STAC: variants seen among roughly 807,000 people sequenced by gnomAD.
The protein encoded by STAC is SH3 and cysteine rich domain, also known as SH3 and cysteine-rich domain-containing protein.
In STAC, 43 loss-of-function variants were observed where a neutral mutation model predicts 48.8. The ratio of observed to expected loss-of-function variants is 0.88; its 90% CI spans 0.69 to 1.14. The LOEUF is 1.14. STAC is among the 50% of genes most tolerant of loss of function. The probability of loss-of-function intolerance (pLI) is 0.00; values close to 1 mark genes in which losing one functional copy is unlikely to be tolerated. For missense variants in STAC, 497 were observed against 504.0 expected, an observed-to-expected ratio of 0.99 and a Z score of 0.13; for synonymous variants, 193 against 179.5, an observed-to-expected ratio of 1.07 and a Z score of -0.60.
chr3:36,443,158 C>T lies in STAC; in HGVS notation c.112-206C>T, dbSNP rs751918751. The stretch of plus-strand genomic sequence containing the variant: ...AGGCAAAATAGGACCTCTTTCTGCT[C>T]ATCTGGCTTAGTGGCAGGGGCGGGG... On this transcript the variant is annotated intron_variant, in intron 1 of 10. Coordinates refer to ENST00000273183, the MANE Select transcript of STAC (RefSeq NM_003149.3). The surrounding 1 kb of genome is among the most constrained non-coding windows in gnomAD (Gnocchi z 4.2). Among the ~76,000 whole-genome samples the T allele has an allele frequency of 6.6e-6, 1 of 152,136 alleles. No individual in the cohort carries two copies. Among genetic ancestry groups the T allele is most frequent in the South Asian group, 2.1e-4 (1 of 4,830 alleles).
chr3:36,451,132 G>T (rs1030029189), intron 2 of STAC, among the ~76,000 whole-genome samples: 1 of 151,938 alleles, frequency 6.6e-6, no homozygotes, highest in African/African-American at 2.4e-5. Flanking sequence ...CTTCCATTTT[G>T]TGTGTGTGTA....
At chr3:36,515,949 A>G (rs1003841806) in intron 8 of STAC, among the ~76,000 whole-genome samples, 9 of 149,846 alleles carry the variant, frequency 6.0e-5, no homozygotes, top group Non-Finnish European at 1.2e-4. Context: ...CTCAGATCCC[A>G]AGCTTAACAG....
intron 1 of STAC, among the ~76,000 whole-genome samples, chr3:36,387,445 C>T (rs1213013886): frequency 6.6e-6 from 1 of 152,078 alleles, no homozygotes; most frequent in East Asian, 1.9e-4. Flanking sequence ...TTATCATCTC[C>T]AACTGTAACT....
intron 1 of STAC, among the ~76,000 whole-genome samples, chr3:36,441,941 T>C (rs1156561132): frequency 6.9e-6 from 1 of 144,290 alleles, no homozygotes; most frequent in Non-Finnish European, 1.6e-5. Flanking sequence ...GTTTGGAGGT[T>C]TGTGTTTTTT....
In STAC at chr3:36,514,994, C is replaced by T. The variant is rs780307502; in HGVS notation, c.920+9160C>T. On this transcript the variant is annotated intron_variant, in intron 8 of 10. Transcript: ENST00000273183. ...TGGAGGTTGCAGTGAGCCAAGATCA[C>T]GCCATTGCCCTCCAGCCTGGGTGAC... Among the ~76,000 whole-genome samples the T allele has an allele frequency of 4.0e-5, 6 of 151,698 alleles. No individual in the cohort carries two copies. The East Asian group carries it at 1.2e-3, about 29-fold the overall frequency.
chr3:36,522,925 G>C (rs932700357), intron 8 of STAC, among the ~76,000 whole-genome samples: 2 of 152,132 alleles, frequency 1.3e-5, no homozygotes, highest in Non-Finnish European at 2.9e-5. Flanking sequence ...CTAACATCTT[G>C]CAGAATAGTT....
intron 1 of STAC, among the ~76,000 whole-genome samples, chr3:36,390,633 A>G (rs1299789470): frequency 2.0e-5 from 3 of 151,810 alleles, no homozygotes; most frequent in African/African-American, 7.2e-5. Context: ...ATCCACATAC[A>G]TAAGGGAGAT....
At chr3:36,447,409 A>G (rs1696538325) in intron 2 of STAC, among the ~76,000 whole-genome samples, 1 of 152,290 alleles carries the variant, frequency 6.6e-6, no homozygotes, top group East Asian at 1.9e-4. Context: ...CCCCACTAGG[A>G]ACAAATTTAA....
chr3:36,516,264 G>A (rs1262620940), intron 8 of STAC, among the ~76,000 whole-genome samples: 5 of 151,948 alleles, frequency 3.3e-5, no homozygotes, highest in East Asian at 3.9e-4. Flanking sequence ...TTACAGGCGC[G>A]AACCACCGTG....
intron 2 of STAC, among the ~76,000 whole-genome samples, chr3:36,460,462 T>C (rs1385523990): frequency 6.6e-6 from 1 of 152,184 alleles, no homozygotes; most frequent in South Asian, 2.1e-4. Flanking sequence ...AAATTTATTA[T>C]ATGAAATTAA....
At chr3:36,424,292 T>C (rs1290212775) in intron 1 of STAC, among the ~76,000 whole-genome samples, 1 of 152,020 alleles carries the variant, frequency 6.6e-6, no homozygotes, top group African/African-American at 2.4e-5. Flanking sequence ...CTTCCTCTAG[T>C]ATAGTTTAAA....
At chr3:36,439,115 T>C (rs556372490) in intron 1 of STAC, among the ~76,000 whole-genome samples, 1 of 152,248 alleles carries the variant, frequency 6.6e-6, no homozygotes, top group Non-Finnish European at 1.5e-5. Flanking sequence ...GGAAAGAGCA[T>C]GGGGACGGGG....
intron 10 of STAC, chr3:36,529,190 G>A: frequency 2.5e-6 from 1 of 403,230 alleles, no homozygotes; most frequent in Non-Finnish European, 4.2e-6. Context: ...GGTGATACCT[G>A]TTCATAAACG....
At chr3:36,512,226 T>C (rs1043102052) in intron 8 of STAC, among the ~76,000 whole-genome samples, 4 of 152,024 alleles carry the variant, frequency 2.6e-5, no homozygotes, top group Non-Finnish European at 5.9e-5. Flanking sequence ...GCATAATCAG[T>C]GGGAGAGGAG....
In STAC at chr3:36,478,656, G is replaced by A. The variant is rs145849812; in HGVS notation, c.389-4336G>A. 2.0e-4 allele frequency among the ~76,000 whole-genome samples: 30 copies of A among 152,150 alleles called. No homozygotes were observed. The East Asian group carries it at 3.3e-3, about 17-fold the overall frequency. ...ACTACAGGCACACGTAACGATGCCCGGCTAATTTTTGAATATTTAGTAGAG... is the reference window on the plus strand; with the variant it reads ...ACTACAGGCACACGTAACGATGCCCAGCTAATTTTTGAATATTTAGTAGAG... On this transcript the variant is annotated intron_variant, in intron 2 of 10. Coordinates refer to ENST00000273183, the MANE Select transcript of STAC (RefSeq NM_003149.3).
At chr3:36,514,069 T>A (rs1179159270) in intron 8 of STAC, among the ~76,000 whole-genome samples, 3 of 152,000 alleles carry the variant, frequency 2.0e-5, no homozygotes, top group Non-Finnish European at 4.4e-5. Flanking sequence ...CTAAGTCTGC[T>A]CGAAACACAC....
At chr3:36,486,311 C>A in intron 5 of STAC, 62 bp downstream of exon 5, 3 of 1,438,454 alleles carry the variant, frequency 2.1e-6, no homozygotes, top group Non-Finnish European at 9.6e-7. Context: ...GGGCCTCAGG[C>A]ACTGCAGTAT....
rs1056181917 is a variant in STAC, at chr3:36,520,821, G to A, written c.921-7875G>A. Among the ~76,000 whole-genome samples, 7 of 152,242 alleles carry A rather than the reference G, an allele frequency of 4.6e-5. No homozygotes were observed. In the East Asian group the frequency reaches 1.4e-3, roughly 29 times the overall value. ...AAATGCCTCTCTCATTTAGGTTCTG[G>A]AGAGCGTGATCCATGACAGTTCAAG... On this transcript the variant is annotated intron_variant, in intron 8 of 10. Coordinates refer to ENST00000273183, the MANE Select transcript of STAC (RefSeq NM_003149.3).
In STAC at chr3:36,486,221, G is replaced by C; in HGVS notation, c.659G>C (p.Ser220Thr). Residue 220 changes from serine to threonine, a missense_variant, in exon 5 of 11, where the codon AGT becomes ACT. Ser to Thr is a moderately conservative substitution (Grantham distance 58). Transcript: ENST00000273183. ...AQRTKKGSSG[S>T]GSDSPHRTST... ...AGGACAAAGAAGGGCAGCTCCGGCA[G>C]TGGCTCTGACTCACCTCACAGAACC... The C allele has an allele frequency of 6.2e-7, 1 of 1,613,998 alleles. No individual in the cohort carries two copies.
Sources: gnomAD v4.1 joint callset for allele counts (sites outside exome capture counted in the v4.1 genomes callset) on GRCh38, gnomAD v4.1.1 for gene constraint, Gnocchi (gnomAD v3.1) non-coding constraint, MANE v1.5 for transcripts, NCBI Gene and HGNC (gene_info 2026-07-23, HGNC 2026-07-21) for gene names.